FNDC3A: variants seen among roughly 807,000 people sequenced by gnomAD.
FNDC3A encodes fibronectin type-III domain-containing protein 3A.
FNDC3A carries 32 observed loss-of-function variants against 148.9 expected under a neutral mutation model. That is an observed-to-expected ratio of 0.21 (90% CI 0.16 to 0.29). The LOEUF (loss-of-function observed/expected upper bound fraction) is 0.29. FNDC3A is among the 10% of genes least tolerant of loss of function. The probability of loss-of-function intolerance (pLI) is 1.00; values close to 1 mark genes in which losing one functional copy is unlikely to be tolerated. For synonymous variants in FNDC3A, 472 were observed against 473.6 expected (o/e 1.00, Z 0.04); for missense variants, 1,191 against 1,452.8 (o/e 0.82, Z 2.93).
intron 2 of FNDC3A, among the ~76,000 whole-genome samples, chr13:49,027,241 T>C (rs1320709892): frequency 1.3e-5 from 2 of 152,098 alleles, no homozygotes; most frequent in Non-Finnish European, 2.9e-5. Context: ...GAGTTTAAAC[T>C]CAAAATTCTA....
At chr13:49,136,632 T>C (rs1882379208) in intron 6 of FNDC3A, 31 bp downstream of exon 6, 2 of 1,591,704 alleles carry the variant, frequency 1.3e-6, no homozygotes, top group South Asian at 1.1e-5. Context: ...ACTGTTCTCA[T>C]TGATGCTATT....
intron 19 of FNDC3A, among the ~76,000 whole-genome samples, chr13:49,192,997 CA>C (rs1438263421): frequency 7.2e-5 from 11 of 152,030 alleles, no homozygotes; most frequent in South Asian, 6.2e-4. Context: ...TAACCTTGTT[CA>C]AAAAAGGGGG....
intron 4 of FNDC3A, among the ~76,000 whole-genome samples, chr13:49,121,778 C>G (rs181061930): frequency 1.1e-4 from 16 of 152,032 alleles, no homozygotes; most frequent in Non-Finnish European, 2.2e-4. Flanking sequence ...GACGCATACA[C>G]CCCCCCAAAG....
intron 14 of FNDC3A, among the ~76,000 whole-genome samples, chr13:49,180,377 G>GCA (rs1242533748): frequency 1.2e-4 from 19 of 152,076 alleles, no homozygotes; most frequent in African/African-American, 4.4e-4. Context: ...TGATTATTTA[G>GCA]CACATAATAA....
intron 2 of FNDC3A, among the ~76,000 whole-genome samples, chr13:49,068,907 T>C (rs1006657989): frequency 3.3e-5 from 5 of 151,772 alleles, no homozygotes; most frequent in African/African-American, 1.2e-4. Flanking sequence ...TACCTGAAGG[T>C]GGAGGGTGGG....
intron 7 of FNDC3A, among the ~76,000 whole-genome samples, chr13:49,142,397 AC>A (rs1286680027): frequency 6.6e-6 from 1 of 152,202 alleles, no homozygotes; most frequent in African/African-American, 2.4e-5. Context: ...GTATCATCTT[AC>A]ATTTCTTCTT....
At chr13:49,181,481 C>T (rs1885299923) in intron 14 of FNDC3A, among the ~76,000 whole-genome samples, 1 of 152,044 alleles carries the variant, frequency 6.6e-6, no homozygotes, top group Non-Finnish European at 1.5e-5. Flanking sequence ...TAATTCTGAT[C>T]CTTGCCAAAA....
Position 49,191,350 on chromosome 13 carries a change from A to G in FNDC3A, c.2192A>G (p.Tyr731Cys). ...AGCAGCCTTCTTCCTGGAAAGACAT[A>G]CAGCTTCAGACTACGTGCAGCTAAC... Reference protein sequence around the residue: ...TVSSLLPGKTYSFRLRAANKM... With the variant: ...TVSSLLPGKTCSFRLRAANKM... The change falls in exon 19 of 26, where the codon TAC becomes TGC. Residue 731 changes from tyrosine to cysteine, a missense_variant. This residue lies in a region of FNDC3A where 751 missense variants were observed against 944.0 expected (regional missense o/e 0.80). Coordinates refer to ENST00000492622, the MANE Select transcript of FNDC3A (RefSeq NM_001079673.2). 1 of 1,606,740 alleles carries G rather than the reference A, an allele frequency of 6.2e-7. No individual in the cohort carries two copies.
In FNDC3A at chr13:49,136,499, G is replaced by A. The variant is rs959261853; in HGVS notation, c.658G>A (p.Gly220Arg). The change falls in exon 6 of 26, where the codon GGA becomes AGA. Residue 220 changes from glycine to arginine, a missense_variant. By Grantham distance (125) the Gly-to-Arg change is moderately radical. This residue lies in a region of FNDC3A where 426 missense variants were observed against 473.2 expected (regional missense o/e 0.90). Transcript: ENST00000492622. ...CCCTTCTCCCATTAATGAACATAAT[G>A]GACTTATAAAAGGACAAATTGCTGG... ...KCPSPINEHN[G>R]LIKGQIAGGI... is the part of the protein sequence containing the mutation. The A allele has an allele frequency of 6.2e-7, 1 of 1,614,018 alleles. No homozygotes were observed. The highest frequency in any genetic ancestry group is 8.5e-7 in the Non-Finnish European group (1 of 1,179,988).
Position 49,160,409 on chromosome 13 carries a change from G to A in FNDC3A, c.978-6835G>A, listed in dbSNP as rs192155909. 1.4e-3 allele frequency among the ~76,000 whole-genome samples: 212 copies of A among 152,278 alleles called. 1 individual carries two copies. The highest frequency in any genetic ancestry group is 0.012 in the Admixed American group (187 of 15,288). ...AGATTTTCTAGTTTATTTGCATAGA[G>A]GTGTTTATAGTATTCTCTGATGGTA... On this transcript the variant is annotated intron_variant, in intron 8 of 25. Coordinates refer to ENST00000492622, the MANE Select transcript of FNDC3A (RefSeq NM_001079673.2).
At chr13:49,161,397 T>G (rs1157888274) in intron 8 of FNDC3A, among the ~76,000 whole-genome samples, 1 of 152,124 alleles carries the variant, frequency 6.6e-6, no homozygotes, top group Non-Finnish European at 1.5e-5. Flanking sequence ...TTAAAGTCGG[T>G]TTTATTGGAG....
chr13:49,110,592 C>T (rs1487058017), intron 3 of FNDC3A, among the ~76,000 whole-genome samples: 1 of 151,988 alleles, frequency 6.6e-6, no homozygotes, highest in Non-Finnish European at 1.5e-5. Context: ...ATTTTGTATT[C>T]CACGGAATAT....
At chr13:49,159,581 T>C (rs551391296) in intron 8 of FNDC3A, among the ~76,000 whole-genome samples, 1 of 152,328 alleles carries the variant, frequency 6.6e-6, no homozygotes, top group East Asian at 1.9e-4. Context: ...CAATTTGACT[T>C]CCTGTTTTCC....
At chr13:49,165,836 C>T (rs1225397584) in intron 8 of FNDC3A, among the ~76,000 whole-genome samples, 1 of 152,144 alleles carries the variant, frequency 6.6e-6, no homozygotes, top group Non-Finnish European at 1.5e-5. Flanking sequence ...GCAAGCCAGT[C>T]CCCAGGCCCA....
intron 3 of FNDC3A, among the ~76,000 whole-genome samples, chr13:49,102,825 G>T (rs925554855): frequency 9.2e-5 from 14 of 152,048 alleles, no homozygotes; most frequent in African/African-American, 3.4e-4. Context: ...GATAATTTTA[G>T]CAAACTTAAA....
chr13:49,109,373 C>T (rs1375454692), intron 3 of FNDC3A, among the ~76,000 whole-genome samples: 2 of 152,120 alleles, frequency 1.3e-5, no homozygotes, highest in African/African-American at 2.4e-5. Flanking sequence ...CAGTAAATTG[C>T]CTTGCTAATA....
At chr13:49,127,954 T>G (rs1881800319) in intron 4 of FNDC3A, among the ~76,000 whole-genome samples, 1 of 152,124 alleles carries the variant, frequency 6.6e-6, no homozygotes, top group African/African-American at 2.4e-5. Context: ...CAGTCTCGGC[T>G]CACTGCAACC....
intron 13 of FNDC3A, among the ~76,000 whole-genome samples, chr13:49,177,740 A>C (rs1202628692): frequency 6.6e-6 from 1 of 152,178 alleles, no homozygotes; most frequent in Non-Finnish European, 1.5e-5. Context: ...CTTGAAACCA[A>C]CCTTGATGAC....
chr13:49,118,974 G>T (rs139193296), intron 4 of FNDC3A, among the ~76,000 whole-genome samples: 3 of 152,360 alleles, frequency 2.0e-5, no homozygotes, highest in Admixed American at 6.5e-5. Flanking sequence ...AAAGCAAGCA[G>T]TGGATCTCCC....
Sources: allele counts gnomAD v4.1 joint callset (sites outside exome capture counted in the v4.1 genomes callset), GRCh38; gene constraint gnomAD v4.1.1; regional missense constraint gnomAD v4.1.1; transcripts MANE v1.5; gene names NCBI Gene and HGNC (gene_info 2026-07-23, HGNC 2026-07-21).